The following ST8SIA5 variants were observed in gnomAD, a reference collection of about 807,000 sequenced individuals.
ST8SIA5 encodes alpha-2,8-sialyltransferase 8E.
Under a neutral mutation model 40.2 loss-of-function variants are expected in ST8SIA5, and 24 were observed. That is an observed-to-expected ratio of 0.60 (90% CI 0.43 to 0.84). The LOEUF (loss-of-function observed/expected upper bound fraction) is 0.84. ST8SIA5 is among the 40% of genes least tolerant of loss of function. The pLI is 0.00. For synonymous variants in ST8SIA5, 198 were observed against 201.8 expected (o/e 0.98, Z 0.16); for missense variants, 465 against 498.5 (o/e 0.93, Z 0.64).
At chr18:46,710,519 T>C (rs1201595133) in intron 1 of ST8SIA5, among the ~76,000 whole-genome samples, 1 of 145,470 alleles carries the variant, frequency 6.9e-6, no homozygotes, top group Non-Finnish European at 1.5e-5. Flanking sequence ...TTCTCCTTCC[T>C]TCCTTTCTTC....
In ST8SIA5 at chr18:46,686,162, G is replaced by C. The variant is rs754625875; in HGVS notation, c.569+12C>G. ...GGGGTAGTGGCAAGGGCAGTGCCAG[G>C]GTTTCTTTTACCGGAAGACGAAGTC... On this transcript the variant is annotated intron_variant, in intron 5 of 6. Transcript: ENST00000315087. 8.1e-6 allele frequency: 13 copies of C among 1,613,462 alleles called. No individual in the cohort carries two copies. The highest frequency in any genetic ancestry group is 9.3e-6 in the Non-Finnish European group (11 of 1,179,406).
At position 46,678,671 on chromosome 18, in the gene ST8SIA5, G is replaced by A. The variant is rs2039356298; in HGVS notation, c.*1371C>T. 3.9e-5 allele frequency: 6 copies of A among 152,558 alleles called. No homozygotes were observed. Among genetic ancestry groups the A allele is most frequent in the Admixed American group, 3.9e-4 (6 of 15,284 alleles). The allele number at this position is 152,558 out of a possible 1,614,324, so 9.5% of individuals were successfully genotyped here. ...GGAAGAAAAGAGGAAGGGAGGGAAG[G>A]AGAAAGGGGAGGAGGCAGGGAGAAA... On this transcript the variant is annotated 3_prime_UTR_variant, in exon 7 of 7. Transcript: ENST00000315087.
rs1786696560 is a variant in ST8SIA5 at position 46,671,365 on chromosome 18, C to T, written c.*8677G>A. Reference sequence around the variant, plus strand: ...AATGCATAAAGAAGTGAGGCTCTAACCCTAGCTCCTGGGCTCACGGCAGTC... The same window carrying T: ...AATGCATAAAGAAGTGAGGCTCTAATCCTAGCTCCTGGGCTCACGGCAGTC... On this transcript the variant is annotated 3_prime_UTR_variant, in exon 7 of 7. Transcript: ENST00000315087. 1 of 149,536 alleles carries T rather than the reference C, an allele frequency of 6.7e-6. No homozygotes were observed. Among genetic ancestry groups the T allele is most frequent in the South Asian group, 2.1e-4 (1 of 4,672 alleles). 9.3% of individuals were successfully genotyped at this position (149,536 alleles called of 1,614,324 possible).
chr18:46,745,097 C>T (rs995825058), intron 1 of ST8SIA5, among the ~76,000 whole-genome samples: 10 of 152,138 alleles, frequency 6.6e-5, no homozygotes, highest in Non-Finnish European at 1.3e-4. Flanking sequence ...GCACTAAATG[C>T]CCACAAGAGA....
chr18:46,738,876 G>T (rs557652625), intron 1 of ST8SIA5, among the ~76,000 whole-genome samples: 1 of 152,248 alleles, frequency 6.6e-6, no homozygotes, highest in Admixed American at 6.5e-5. Context: ...ACCCAGTTTC[G>T]CATCCTCAAG....
Position 46,678,755 on chromosome 18 carries a change from T to A in ST8SIA5, c.*1287A>T, listed in dbSNP as rs939732447. ...TAGGCTGAAGTCCTCCTCCCAGCAC[T>A]AACATCCTATGATTCCACAAAGCTA... On this transcript the variant is annotated 3_prime_UTR_variant, in exon 7 of 7. Coordinates refer to ENST00000315087, the MANE Select transcript of ST8SIA5 (RefSeq NM_013305.6). 1 of 152,290 alleles carries A rather than the reference T, an allele frequency of 6.6e-6. No individual in the cohort carries two copies. Among genetic ancestry groups the A allele is most frequent in the African/African-American group, 2.4e-5 (1 of 41,460 alleles). The allele number at this position is 152,290 out of a possible 1,614,324, so 9.4% of individuals were successfully genotyped here.
chr18:46,725,040 G>A (rs1345106460), intron 1 of ST8SIA5, among the ~76,000 whole-genome samples: 24 of 135,986 alleles, frequency 1.8e-4, no homozygotes, highest in Non-Finnish European at 7.8e-5. Flanking sequence ...AGGAAGGAAG[G>A]AAGGAAGGAA....
rs368344138 is a variant in ST8SIA5, at chr18:46,744,715, C to A, written c.131+11663G>T. Among the ~76,000 whole-genome samples the A allele has an allele frequency of 2.6e-5, 4 of 152,276 alleles. No homozygotes were observed. In the East Asian group the frequency reaches 7.7e-4, roughly 29 times the overall value. On this transcript the variant is annotated intron_variant, in intron 1 of 6. Coordinates refer to ENST00000315087, the MANE Select transcript of ST8SIA5 (RefSeq NM_013305.6). Reference sequence around the variant, plus strand: ...GAACTCAGCTCTGCACCAAGAAGACCTAACAGACATCTACAGAACTCTCCA... The same window carrying A: ...GAACTCAGCTCTGCACCAAGAAGACATAACAGACATCTACAGAACTCTCCA...
intron 1 of ST8SIA5, among the ~76,000 whole-genome samples, chr18:46,710,413 T>TTCTTTCTTTCTTTG (rs1244310202): frequency 1.6e-5 from 2 of 127,506 alleles, no homozygotes; most frequent in Non-Finnish European, 3.2e-5. Context: ...CTTTCTTTCT[T>TTCTTTCTTTCTTTG]TCTTTTTCTT....
At chr18:46,730,064 G>T (rs529346211) in intron 1 of ST8SIA5, 91 of 628,406 alleles carry the variant, frequency 1.4e-4, no homozygotes, top group Middle Eastern at 1.6e-3. Flanking sequence ...GAGGGAGAAG[G>T]TTCTGGATAA....
chr18:46,756,492 G>A lies in ST8SIA5; in HGVS notation c.17C>T (p.Pro6Leu). 1 of 1,612,856 alleles carries A rather than the reference G, an allele frequency of 6.2e-7. No individual in the cohort carries two copies. Among genetic ancestry groups the A allele is most frequent in the Non-Finnish European group, 8.5e-7 (1 of 1,179,154 alleles). MRYADPSANRDLLGSR... is the reference protein window; with the variant it reads MRYADLSANRDLLGSR... ...CCCCAACAAATCCCGGTTGGCCGAG[G>A]GGTCCGCGTAGCGCATCCTGGCTAC... is the stretch of plus-strand genomic sequence containing the variant. The change falls in exon 1 of 7, where the codon CCC becomes CTC. Residue 6 changes from proline to leucine, a missense_variant. By Grantham distance (98) the Pro-to-Leu change is moderately conservative. Transcript: ENST00000315087.
chr18:46,742,373 T>A (rs2040095396), intron 1 of ST8SIA5, among the ~76,000 whole-genome samples: 1 of 151,898 alleles, frequency 6.6e-6, no homozygotes, highest in African/African-American at 2.4e-5. Flanking sequence ...TTTTGTGATG[T>A]TGGATTAGGC....
At chr18:46,731,387 T>A (rs2039983313) in intron 1 of ST8SIA5, among the ~76,000 whole-genome samples, 1 of 152,216 alleles carries the variant, frequency 6.6e-6, no homozygotes, top group Non-Finnish European at 1.5e-5. Flanking sequence ...TGTTTCATGC[T>A]GAGAATGTCA....
rs1188375335 is a variant in ST8SIA5, at chr18:46,679,152, G to T, written c.*890C>A. On this transcript the variant is annotated 3_prime_UTR_variant, in exon 7 of 7. Transcript: ENST00000315087. ...GAAGAGGTCTTTATAAATAACTCCT[G>T]GTTTAAATGGAGCTGAAAATAGGAA... 1 of 152,228 alleles carries T rather than the reference G, an allele frequency of 6.6e-6. No individual in the cohort carries two copies. The highest frequency in any genetic ancestry group is 1.9e-4 in the East Asian group (1 of 5,198). The allele number at this position is 152,228 out of a possible 1,614,324, so 9.4% of individuals were successfully genotyped here.
chr18:46,731,101 G>C (rs2039981127), intron 1 of ST8SIA5, among the ~76,000 whole-genome samples: 1 of 152,242 alleles, frequency 6.6e-6, no homozygotes, highest in South Asian at 2.1e-4. Flanking sequence ...TGTTTATCCG[G>C]AGAAGATGCA....
At chr18:46,689,903 T>TC (rs2039488026) in intron 3 of ST8SIA5, among the ~76,000 whole-genome samples, 1 of 152,028 alleles carries the variant, frequency 6.6e-6, no homozygotes, top group African/African-American at 2.4e-5. Flanking sequence ...ATGTTTTTTT[T>TC]TTTAATTTCA....
rs755899888 is a variant in ST8SIA5, at chr18:46,679,636, C to T, written c.*406G>A. The T allele has an allele frequency of 2.5e-4, 58 of 236,424 alleles. No homozygotes were observed. The highest frequency in any genetic ancestry group is 3.9e-4 in the Non-Finnish European group (47 of 120,664). The allele number at this position is 236,424 out of a possible 1,614,324, so 14.6% of individuals were successfully genotyped here. A position where few individuals can be genotyped will look rare whatever the true frequency, so the allele number is the denominator to read the frequency against. ...TGTCCTGTGAAGTGTCCTGTCTCCA[C>T]TCTCAATTCCATTCTCTGTAGGGTC... On this transcript the variant is annotated 3_prime_UTR_variant, in exon 7 of 7. Transcript: ENST00000315087.
chr18:46,695,493 A>C (rs2039549285), intron 2 of ST8SIA5, among the ~76,000 whole-genome samples: 1 of 152,196 alleles, frequency 6.6e-6, no homozygotes, highest in African/African-American at 2.4e-5. Flanking sequence ...TTGCCCTCCC[A>C]AATTTGTTGA....
At chr18:46,752,293 G>A (rs1305848576) in intron 1 of ST8SIA5, among the ~76,000 whole-genome samples, 1 of 152,050 alleles carries the variant, frequency 6.6e-6, no homozygotes, top group African/African-American at 2.4e-5. Flanking sequence ...CTCTAGGCGT[G>A]CCTTTCTGTC....
Sources: gnomAD v4.1 joint callset for allele counts (sites outside exome capture counted in the v4.1 genomes callset) on GRCh38, gnomAD v4.1.1 for gene constraint, MANE v1.5 for transcripts, NCBI Gene and HGNC (gene_info 2026-07-23, HGNC 2026-07-21) for gene names.